EGFR: variants seen among roughly 807,000 people sequenced by gnomAD.
The protein encoded by EGFR is avian erythroblastic leukemia viral (v-erb-b) oncogene homolog.
Under a neutral mutation model 143.0 loss-of-function variants are expected in EGFR, and 58 were observed. The observed-to-expected ratio is 0.41, with a 90% CI of 0.33 to 0.50. The LOEUF is 0.50. Among genes scored for constraint, EGFR ranks in the 20% least tolerant of loss-of-function variants. EGFR has a pLI of 0.39. For missense variants in EGFR, 1,307 were observed against 1,579.0 expected, an observed-to-expected ratio of 0.83 and a Z score of 2.92; for synonymous variants, 613 against 594.4, an observed-to-expected ratio of 1.03 and a Z score of -0.45.
chr7:55,204,446 CATATACACACA>C (rs1788014903), intron 27 of EGFR, among the ~76,000 whole-genome samples: 1 of 150,714 alleles, frequency 6.6e-6, no homozygotes, highest in African/African-American at 2.4e-5. Flanking sequence ...ACACACACCA[CATATACACACA>C]ACACACACAA....
At chr7:55,193,960 G>T (rs1301404220) in intron 22 of EGFR, among the ~76,000 whole-genome samples, 1 of 152,250 alleles carries the variant, frequency 6.6e-6, no homozygotes, top group Non-Finnish European at 1.5e-5. Context: ...AGTGAAGTTT[G>T]GTGTGCACCT....
chr7:55,131,531 G>A (rs1216863662), intron 1 of EGFR, among the ~76,000 whole-genome samples: 2 of 152,204 alleles, frequency 1.3e-5, no homozygotes, highest in South Asian at 2.1e-4. Context: ...CCAGCCTGAA[G>A]CAGCACCATG....
chr7:55,191,471 C>T (rs147478874), intron 20 of EGFR, among the ~76,000 whole-genome samples: 1 of 152,270 alleles, frequency 6.6e-6, no homozygotes, highest in Non-Finnish European at 1.5e-5. Flanking sequence ...CTTCTTTGTC[C>T]TCATATACGA....
At position 55,170,560 on chromosome 7, in the gene EGFR, G is replaced by A. The variant is rs17290225; in HGVS notation, c.1881-615G>A. The stretch of plus-strand genomic sequence containing the variant: ...CTGCCACTGAGCCTCATGCCTTCAC[G>A]TGTCTGTTCCCCCCGCTTTTCCTTT... On this transcript the variant is annotated intron_variant, in intron 15 of 27. Coordinates refer to ENST00000275493, the MANE Select transcript of EGFR (RefSeq NM_005228.5). 66,726 of 1,612,354 alleles carry A rather than the reference G, an allele frequency of 0.041. 1,553 individuals carry two copies. Among genetic ancestry groups the A allele is most frequent in the Middle Eastern group, 0.078 (468 of 5,964 alleles).
At chr7:55,168,722 T>C (rs1786194416) in intron 15 of EGFR, 1 of 747,110 alleles carries the variant, frequency 1.3e-6, no homozygotes, top group Non-Finnish European at 2.0e-6. Flanking sequence ...TAGTTTGATA[T>C]AATCTTGTTA....
chr7:55,184,603 G>A (rs1305898323), intron 20 of EGFR, among the ~76,000 whole-genome samples: 1 of 152,200 alleles, frequency 6.6e-6, no homozygotes, highest in Non-Finnish European at 1.5e-5. Context: ...TTCCATGACA[G>A]TTTTCTGCAT....
intron 19 of EGFR, among the ~76,000 whole-genome samples, chr7:55,178,971 G>C (rs845554): frequency 0.12 from 18,706 of 152,214 alleles, 1,348 homozygotes; most frequent in Non-Finnish European, 0.16. Flanking sequence ...ATCTGCCCTA[G>C]TCCCTGCTGG....
intron 1 of EGFR, among the ~76,000 whole-genome samples, chr7:55,036,363 G>T (rs1787585689): frequency 6.7e-6 from 1 of 150,026 alleles, no homozygotes; most frequent in Non-Finnish European, 1.5e-5. Flanking sequence ...TTTATTTTCA[G>T]GATAGGTGTC....
chr7:55,113,823 C>T lies in EGFR; in HGVS notation c.89-28463C>T, dbSNP rs576231247. Among the ~76,000 whole-genome samples the T allele has an allele frequency of 2.6e-5, 4 of 152,314 alleles. No homozygotes were observed. The East Asian group carries it at 7.7e-4, about 29-fold the overall frequency. On this transcript the variant is annotated intron_variant, in intron 1 of 27. Coordinates refer to ENST00000275493, the MANE Select transcript of EGFR (RefSeq NM_005228.5). Reference sequence around the variant, plus strand: ...GAGTTTTTGATATGGTTTCAAGCCCCATCCAAAACCCACAGACCTCTAGAA... The same window carrying T: ...GAGTTTTTGATATGGTTTCAAGCCCTATCCAAAACCCACAGACCTCTAGAA...
At chr7:55,146,382 C>A (rs1794760589) in intron 3 of EGFR, among the ~76,000 whole-genome samples, 2 of 152,146 alleles carry the variant, frequency 1.3e-5, no homozygotes, top group Non-Finnish European at 2.9e-5. Flanking sequence ...AATTTCTAAT[C>A]ATTGCTCAAA....
intron 1 of EGFR, among the ~76,000 whole-genome samples, chr7:55,092,170 G>A (rs1366099387): frequency 6.6e-6 from 1 of 152,098 alleles, no homozygotes; most frequent in African/African-American, 2.4e-5. Context: ...GACAGAATGG[G>A]GAGGAAAACA....
chr7:55,174,698 G>T, intron 18 of EGFR, 24 bp from the exon 19 acceptor site: 1 of 1,593,824 alleles, frequency 6.3e-7, no homozygotes, highest in Non-Finnish European at 8.6e-7. Flanking sequence ...GCCAGTTAAC[G>T]TCTTCCTTCT....
intron 1 of EGFR, among the ~76,000 whole-genome samples, chr7:55,133,774 C>T (rs193219556): frequency 4.6e-5 from 7 of 152,262 alleles, no homozygotes; most frequent in African/African-American, 1.4e-4. Flanking sequence ...AGGTCTGAGG[C>T]GCCACTGGAG....
At chr7:55,194,780 T>A (rs927023134) in intron 22 of EGFR, among the ~76,000 whole-genome samples, 1 of 152,258 alleles carries the variant, frequency 6.6e-6, no homozygotes, top group African/African-American at 2.4e-5. Flanking sequence ...CCGTTCCCAC[T>A]GAAAACATTG....
chr7:55,186,095 GC>G (rs1787124532), intron 20 of EGFR, among the ~76,000 whole-genome samples: 1 of 152,154 alleles, frequency 6.6e-6, no homozygotes, highest in South Asian at 2.1e-4. Flanking sequence ...CACATTCCAG[GC>G]CACTCAGGCC....
At chr7:55,101,137 A>G (rs1791794890) in intron 1 of EGFR, among the ~76,000 whole-genome samples, 1 of 152,200 alleles carries the variant, frequency 6.6e-6, no homozygotes, top group African/African-American at 2.4e-5. Flanking sequence ...AGATGTGAAC[A>G]AGGGGCCCGG....
chr7:55,137,046 T>TA (rs1794184015), intron 1 of EGFR, among the ~76,000 whole-genome samples: 1 of 152,184 alleles, frequency 6.6e-6, no homozygotes, highest in South Asian at 2.1e-4. Flanking sequence ...TATTCCTACT[T>TA]AATAATAAGT....
At chr7:55,142,726 C>G (rs1794531603) in intron 2 of EGFR, among the ~76,000 whole-genome samples, 1 of 152,228 alleles carries the variant, frequency 6.6e-6, no homozygotes, top group African/African-American at 2.4e-5. Context: ...CATACTCGCT[C>G]TTAAAAACTT....
intron 21 of EGFR, 27 bp downstream of exon 21, chr7:55,191,901 G>A (rs780096091): frequency 7.4e-6 from 12 of 1,611,788 alleles, no homozygotes; most frequent in Non-Finnish European, 9.3e-6. Context: ...AGGTCAGCCA[G>A]CATTTTCCTG....
Sources: allele counts gnomAD v4.1 joint callset (sites outside exome capture counted in the v4.1 genomes callset), GRCh38; gene constraint gnomAD v4.1.1; transcripts MANE v1.5; gene names NCBI Gene and HGNC (gene_info 2026-07-23, HGNC 2026-07-21).